The following ARL5C variants were observed in gnomAD, a reference collection of about 807,000 sequenced individuals.
The protein encoded by ARL5C is ARF like GTPase 5C, also known as putative ADP-ribosylation factor-like protein 5C.
A neutral mutation model predicts 20.8 loss-of-function variants in ARL5C; 21 were observed. The observed-to-expected ratio is 1.01, with a 90% CI of 0.72 to 1.46. The LOEUF is 1.46. Among genes scored for constraint, ARL5C ranks in the 40% most tolerant of loss-of-function variants. ARL5C has a pLI of 0.00. For missense variants in ARL5C, 199 were observed against 225.1 expected (o/e 0.88, Z 0.74); for synonymous variants, 71 against 81.6 (o/e 0.87, Z 0.70).
intron 4 of ARL5C, 138 bp from the exon 5 acceptor site, chr17:39,160,880 G>A: frequency 1.0e-6 from 1 of 999,104 alleles, no homozygotes; most frequent in Non-Finnish European, 1.4e-6. Flanking sequence ...AGAGATGGGG[G>A]CCCTGCCACA....
At chr17:39,164,990 C>A in intron 2 of ARL5C, 89 bp downstream of exon 2, 1 of 1,387,310 alleles carries the variant, frequency 7.2e-7, no homozygotes, top group Non-Finnish European at 1.0e-6. Context: ...GCCCGGGAAC[C>A]CAGGGAAGAG....
chr17:39,165,277 C>T, intron 1 of ARL5C, 138 bp from the exon 2 acceptor site: 1 of 809,454 alleles, frequency 1.2e-6, no homozygotes, highest in African/African-American at 1.7e-5. Context: ...GCGTCTGCTT[C>T]CCACCCAGCT....
intron 2 of ARL5C, 60 bp from the exon 3 acceptor site, chr17:39,162,918 CA>C: frequency 6.6e-7 from 1 of 1,526,538 alleles, no homozygotes. Context: ...CTCTGGCCCC[CA>C]AATGCTCTAC....
Position 39,165,762 on chromosome 17 carries a change from G to A in ARL5C, c.-2C>T. Reference sequence around the variant, plus strand: ...TAACTTGGCGATCAGCTGTCCCATGGCACTTCCCGGGCCGGACAGGTGCAG... The same window carrying A: ...TAACTTGGCGATCAGCTGTCCCATGACACTTCCCGGGCCGGACAGGTGCAG... On this transcript the variant is annotated 5_prime_UTR_variant, in exon 1 of 6. Transcript: ENST00000269586. 6.4e-7 allele frequency: 1 copy of A among 1,551,818 alleles called. No individual in the cohort carries two copies. Among genetic ancestry groups the A allele is most frequent in the Non-Finnish European group, 8.7e-7 (1 of 1,146,994 alleles).
chr17:39,160,497 A>T, intron 5 of ARL5C, 94 bp downstream of exon 5: 1 of 1,457,678 alleles, frequency 6.9e-7, no homozygotes, highest in Non-Finnish European at 9.2e-7. Flanking sequence ...TGTGAACCAG[A>T]TTCTCACAGG....
intron 5 of ARL5C, chr17:39,160,337 A>G (rs2144043514): frequency 2.5e-6 from 1 of 401,808 alleles, no homozygotes; most frequent in Non-Finnish European, 4.4e-6. Flanking sequence ...AAAAAAAAAA[A>G]AAGAGAGAGA....
chr17:39,165,662 C>T lies in ARL5C; in HGVS notation c.46+53G>A, dbSNP rs2045459404. ...CGTCCGACCACAGATCAGAGGAGTC[C>T]CAGAAGAGGGCGAGATCAAAGCGCT... On this transcript the variant is annotated intron_variant, in intron 1 of 5. Transcript: ENST00000269586. The T allele has an allele frequency of 6.5e-6, 10 of 1,550,286 alleles. No individual in the cohort carries two copies. The South Asian group carries it at 1.2e-4, about 18-fold the overall frequency.
Position 39,165,156 on chromosome 17 carries a change from AAGGGCAGCGTC to A in ARL5C, c.47-28_47-18del. ...CCGTGTGCTCTGGAAGCGTCGGAGGAAGGGCAGCGTCAGGGCCAAACCCGAAGACCAAGGGA... is the reference window on the plus strand; with the variant it reads ...CCGTGTGCTCTGGAAGCGTCGGAGGAAGGGCCAAACCCGAAGACCAAGGGA... On this transcript the variant is annotated intron_variant, in intron 1 of 5. Transcript: ENST00000269586. 1.3e-6 allele frequency: 2 copies of A among 1,551,010 alleles called. No individual in the cohort carries two copies. The highest frequency in any genetic ancestry group is 2.4e-5 in the South Asian group (2 of 83,990).
intron 1 of ARL5C, 124 bp downstream of exon 1, chr17:39,165,591 C>G: frequency 8.0e-7 from 1 of 1,256,540 alleles, no homozygotes; most frequent in Admixed American, 2.1e-5. Flanking sequence ...GCGGGGCAGT[C>G]GAGGAGCGCC....
intron 2 of ARL5C, chr17:39,164,069 T>TTTG (rs58982654): frequency 0.24 from 36,514 of 150,968 alleles, 5,354 homozygotes; most frequent in Non-Finnish European, 0.33. Flanking sequence ...TGCTCAGCCC[T>TTTG]TTGTTGTTGT....
At chr17:39,161,219 G>A (rs1391034525) in intron 4 of ARL5C, 49 bp downstream of exon 4, 1 of 1,508,620 alleles carries the variant, frequency 6.6e-7, no homozygotes, top group Middle Eastern at 1.7e-4. Context: ...CCAGCCTGAG[G>A]GCACACAGCT....
At chr17:39,164,621 C>A (rs1029801885) in intron 2 of ARL5C, among the ~76,000 whole-genome samples, 1 of 152,190 alleles carries the variant, frequency 6.6e-6, no homozygotes, top group African/African-American at 2.4e-5. Context: ...GAGCGAATAT[C>A]GGGGAAAGCT....
intron 2 of ARL5C, 61 bp downstream of exon 2, chr17:39,165,018 C>T (rs2045455620): frequency 1.3e-6 from 2 of 1,517,418 alleles, no homozygotes; most frequent in Admixed American, 2.0e-5. Flanking sequence ...GATTGGTCCC[C>T]CTGCCTGTCA....
At chr17:39,163,402 C>A (rs971696074) in intron 2 of ARL5C, among the ~76,000 whole-genome samples, 6 of 150,686 alleles carry the variant, frequency 4.0e-5, no homozygotes, top group African/African-American at 1.5e-4. Context: ...TTCTCTCTTT[C>A]TTTCCTTCTC....
Position 39,165,708 on chromosome 17 carries a change from C to T in ARL5C, c.46+7G>A, listed in dbSNP as rs593772. On this transcript the variant is annotated splice_region_variant and intron_variant, in intron 1 of 5. Transcript: ENST00000269586. The stretch of plus-strand genomic sequence containing the variant: ...GCGCTCGCTTGGATGCCCTGTGCGC[C>T]CCTTACCCTGGTTCCCGAAGATGCT... 0.091 allele frequency: 141,783 copies of T among 1,551,702 alleles called. 6,853 individuals are homozygous for T. The highest frequency in any genetic ancestry group is 0.1 in the East Asian group (4,203 of 41,048).
In ARL5C at chr17:39,165,871, C is replaced by A; in HGVS notation, c.-111G>T. 1.5e-6 allele frequency: 2 copies of A among 1,340,976 alleles called. No individual in the cohort carries two copies. The highest frequency in any genetic ancestry group is 2.1e-6 in the Non-Finnish European group (2 of 967,386). The allele number at this position is 1,340,976 out of a possible 1,614,324, so 83.1% of individuals were successfully genotyped here. On this transcript the variant is annotated 5_prime_UTR_variant, in exon 1 of 6. Coordinates refer to ENST00000269586, the MANE Select transcript of ARL5C (RefSeq NM_001143968.1). ...GGGAGGGTCTGGCAGATTTTGCCTACGAAGTTAGGGAAGCCCCACACGTCA... is the reference window on the plus strand; with the variant it reads ...GGGAGGGTCTGGCAGATTTTGCCTAAGAAGTTAGGGAAGCCCCACACGTCA...
rs1427646966 is a variant in ARL5C at position 39,160,687 on chromosome 17, G to C, written c.395C>G (p.Ser132Cys). ...ATGGGAGATCTCCACCATCCTCATG[G>C]AGTCCTTCACGTCCTGCTTATTGGC... ...IFANKQDVKDSMRMVEISHFL... is the reference protein window; with the variant it reads ...IFANKQDVKDCMRMVEISHFL... Residue 132 changes from serine to cysteine, a missense_variant, in exon 5 of 6, where the codon TCC becomes TGC. Ser to Cys is a moderately radical substitution (Grantham distance 112). Coordinates refer to ENST00000269586, the MANE Select transcript of ARL5C (RefSeq NM_001143968.1). 6.4e-7 allele frequency: 1 copy of C among 1,551,864 alleles called. No individual in the cohort carries two copies. Among genetic ancestry groups the C allele is most frequent in the Non-Finnish European group, 8.7e-7 (1 of 1,147,012 alleles).
Position 39,165,118 on chromosome 17 carries a change from C to T in ARL5C, c.68G>A (p.Gly23Glu). 8 of 1,551,648 alleles carry T rather than the reference C, an allele frequency of 5.2e-6. No homozygotes were observed. Among genetic ancestry groups the T allele is most frequent in the Non-Finnish European group, 7.0e-6 (8 of 1,146,958 alleles). The change falls in exon 2 of 6, where the codon GGA (glycine) becomes GAA (glutamate). Residue 23 changes from glycine to glutamate, a missense_variant. Physicochemically the swap from Gly to Glu is moderately conservative, Grantham distance 98 (BLOSUM62 -2). Transcript: ENST00000269586. ...GNQEHTVIIV[G>E]LDNEGKTTIL... ...GGTGGTCTTTCCTTCATTGTCCAGTCCCACGATGATGACCGTGTGCTCTGG... is the reference window on the plus strand; with the variant it reads ...GGTGGTCTTTCCTTCATTGTCCAGTTCCACGATGATGACCGTGTGCTCTGG...
At chr17:39,164,974 A>C in intron 2 of ARL5C, 105 bp downstream of exon 2, 2 of 1,202,526 alleles carry the variant, frequency 1.7e-6, no homozygotes, top group East Asian at 2.6e-5. Flanking sequence ...TCCGGACTAC[A>C]GAGGAGCCCG....
Sources: allele counts gnomAD v4.1 joint callset (sites outside exome capture counted in the v4.1 genomes callset), GRCh38; gene constraint gnomAD v4.1.1; transcripts MANE v1.5; gene names NCBI Gene and HGNC (gene_info 2026-07-23, HGNC 2026-07-21).